LSAMP: variants seen among roughly 807,000 people sequenced by gnomAD.
LSAMP encodes the protein limbic system-associated membrane protein.
A neutral mutation model predicts 38.6 loss-of-function variants in LSAMP; 7 were observed. The ratio of observed to expected loss-of-function variants is 0.18; its 90% CI spans 0.10 to 0.34. The LOEUF is 0.34. Among genes scored for constraint, LSAMP ranks in the 10% least tolerant of loss-of-function variants. The probability of loss-of-function intolerance (pLI) is 1.00; values close to 1 mark genes in which losing one functional copy is unlikely to be tolerated. For missense variants in LSAMP, 313 were observed against 420.0 expected (o/e 0.75, Z 2.23); for synonymous variants, 154 against 166.8 (o/e 0.92, Z 0.59).
intron 1 of LSAMP, among the ~76,000 whole-genome samples, chr3:116,434,563 G>T (rs966790697): frequency 6.6e-6 from 1 of 152,234 alleles, no homozygotes; most frequent in Middle Eastern, 3.4e-3. Context: ...GGTGGAGTGA[G>T]GGGTAGAAGG....
chr3:116,424,738 C>T (rs1156798666), intron 1 of LSAMP, among the ~76,000 whole-genome samples: 7 of 152,126 alleles, frequency 4.6e-5, no homozygotes, highest in African/African-American at 1.7e-4. Flanking sequence ...GAATGCCAGG[C>T]TTTCCATTTT....
intron 2 of LSAMP, among the ~76,000 whole-genome samples, chr3:116,063,256 C>T (rs906053892): frequency 2.0e-5 from 3 of 152,100 alleles, no homozygotes; most frequent in Admixed American, 6.5e-5. Context: ...ATAGAAATTG[C>T]TACAGTTTTT....
At chr3:116,006,233 A>G (rs1362692178) in intron 3 of LSAMP, among the ~76,000 whole-genome samples, 1 of 152,112 alleles carries the variant, frequency 6.6e-6, no homozygotes. Context: ...TGCTCTTTTA[A>G]GAGGGGACAC....
intron 1 of LSAMP, among the ~76,000 whole-genome samples, chr3:116,338,835 C>T (rs1453451968): frequency 6.6e-6 from 1 of 152,024 alleles, no homozygotes; most frequent in Non-Finnish European, 1.5e-5. Context: ...AGTGGCACCC[C>T]AAGGTGGCAC....
intron 1 of LSAMP, among the ~76,000 whole-genome samples, chr3:116,370,282 C>T (rs974243077): frequency 9.2e-5 from 14 of 152,080 alleles, no homozygotes; most frequent in African/African-American, 3.4e-4. Flanking sequence ...ATTAAGAATT[C>T]AACAAGAACA....
intron 1 of LSAMP, among the ~76,000 whole-genome samples, chr3:116,229,430 GGCAAT>G: frequency 6.6e-6 from 1 of 152,098 alleles, no homozygotes; most frequent in African/African-American, 2.4e-5. Context: ...AATAGATACA[GGCAAT>G]TGCCAACATA....
intron 1 of LSAMP, among the ~76,000 whole-genome samples, chr3:116,396,486 G>A (rs2048769647): frequency 6.6e-6 from 1 of 152,070 alleles, no homozygotes; most frequent in Non-Finnish European, 1.5e-5. Context: ...ATTTTCTTCA[G>A]CACTCATTTT....
chr3:116,378,107 C>G (rs1185845392), intron 1 of LSAMP, among the ~76,000 whole-genome samples: 1 of 152,096 alleles, frequency 6.6e-6, no homozygotes, highest in African/African-American at 2.4e-5. Context: ...AACTGTTTCT[C>G]TCCTTCACAT....
At chr3:115,851,005 C>T (rs989043650) in intron 4 of LSAMP, among the ~76,000 whole-genome samples, 1 of 152,142 alleles carries the variant, frequency 6.6e-6, no homozygotes, top group Non-Finnish European at 1.5e-5. Flanking sequence ...CAGAGTTTCA[C>T]TCTTGTTGCC....
intron 3 of LSAMP, among the ~76,000 whole-genome samples, chr3:115,921,750 A>G (rs187551685): frequency 6.6e-6 from 1 of 151,632 alleles, no homozygotes; most frequent in Non-Finnish European, 1.5e-5. Flanking sequence ...GCACTGCTGA[A>G]CTCCCTTAAT....
chr3:116,110,747 C>A (rs1480913620), intron 1 of LSAMP, among the ~76,000 whole-genome samples: 1 of 152,118 alleles, frequency 6.6e-6, no homozygotes, highest in East Asian at 1.9e-4. Flanking sequence ...AGCAGGAGAA[C>A]AGGGGATTGA....
chr3:116,065,144 A>T (rs1221287235), intron 2 of LSAMP, among the ~76,000 whole-genome samples: 1 of 152,222 alleles, frequency 6.6e-6, no homozygotes, highest in South Asian at 2.1e-4. Context: ...AAACATATGG[A>T]TAACGTTTAG....
At chr3:116,190,237 C>T (rs1710724622) in intron 1 of LSAMP, among the ~76,000 whole-genome samples, 1 of 152,074 alleles carries the variant, frequency 6.6e-6, no homozygotes, top group Non-Finnish European at 1.5e-5. Context: ...GAAACTGAAA[C>T]AATTATATGT....
intron 2 of LSAMP, among the ~76,000 whole-genome samples, chr3:116,064,519 A>AG (rs923547645): frequency 1.3e-5 from 2 of 152,106 alleles, no homozygotes; most frequent in African/African-American, 4.8e-5. Flanking sequence ...AAAAAAAAAA[A>AG]AGTCAGTCTG....
intron 1 of LSAMP, among the ~76,000 whole-genome samples, chr3:116,405,665 A>G (rs959173268): frequency 2.0e-5 from 3 of 152,146 alleles, no homozygotes; most frequent in African/African-American, 7.2e-5. Flanking sequence ...AAAATAAGAA[A>G]GAGGAGAAAA....
At chr3:116,422,253 G>A (rs928615932) in intron 1 of LSAMP, among the ~76,000 whole-genome samples, 4 of 152,170 alleles carry the variant, frequency 2.6e-5, no homozygotes, top group Non-Finnish European at 5.9e-5. Flanking sequence ...CTTCATAGCT[G>A]TGGGTTCCAC....
At chr3:115,844,936 C>T (rs1427859310) in intron 4 of LSAMP, among the ~76,000 whole-genome samples, 1 of 152,116 alleles carries the variant, frequency 6.6e-6, no homozygotes, top group African/African-American at 2.4e-5. Context: ...GAGATCGAGC[C>T]ACTGCACTCC....
At position 116,364,372 on chromosome 3, in the gene LSAMP, C is replaced by G. The variant is rs9758076; in HGVS notation, c.155+80505G>C. Among the ~76,000 whole-genome samples, 3 of 8,486 alleles carry G rather than the reference C, an allele frequency of 3.5e-4. No individual in the cohort carries two copies. In the East Asian group the frequency reaches 9.2e-3, roughly 26 times the overall value. The allele number at this position is 8,486 out of a possible 152,430, so 5.6% of individuals were successfully genotyped here. A position where few individuals can be genotyped will look rare whatever the true frequency, so the allele number is the denominator to read the frequency against. On this transcript the variant is annotated intron_variant, in intron 1 of 6. Coordinates refer to ENST00000490035, the MANE Select transcript of LSAMP (RefSeq NM_002338.5). ...TCAAGGAAATAAAAGAGGAGACAAACAAATGGAAGAACATTCCATGCTCAT... is the reference window on the plus strand; with the variant it reads ...TCAAGGAAATAAAAGAGGAGACAAAGAAATGGAAGAACATTCCATGCTCAT...
intron 1 of LSAMP, among the ~76,000 whole-genome samples, chr3:116,250,467 C>A (rs2046665899): frequency 6.6e-6 from 1 of 152,092 alleles, no homozygotes; most frequent in Admixed American, 6.6e-5. Context: ...CAAGAAAGAA[C>A]CATTTCTGTA....
Sources: allele counts gnomAD v4.1 joint callset (sites outside exome capture counted in the v4.1 genomes callset), GRCh38; gene constraint gnomAD v4.1.1; transcripts MANE v1.5; gene names NCBI Gene and HGNC (gene_info 2026-07-23, HGNC 2026-07-21).